The following SORBS2 variants were observed in gnomAD, a reference collection of about 807,000 sequenced individuals.
SORBS2 encodes the protein sorbin and SH3 domain containing 2.
Under a neutral mutation model 97.7 loss-of-function variants are expected in SORBS2, and 46 were observed. The observed-to-expected ratio is 0.47, with a 90% CI of 0.37 to 0.60. SORBS2 has a LOEUF of 0.60. Among genes scored for constraint, SORBS2 ranks in the 20% least tolerant of loss-of-function variants. The pLI is 0.00. For synonymous variants in SORBS2, 476 were observed against 473.4 expected, an observed-to-expected ratio of 1.01 and a Z score of -0.07; for missense variants, 1,316 against 1,282.3, an observed-to-expected ratio of 1.03 and a Z score of -0.40.
intron 2 of SORBS2, among the ~76,000 whole-genome samples, chr4:185,700,377 C>T (rs972797368): frequency 1.3e-5 from 2 of 151,540 alleles, no homozygotes; most frequent in African/African-American, 2.4e-5. Context: ...GGTCACAGAA[C>T]GATATGGTAG....
chr4:185,705,677 A>G (rs2153538394), intron 2 of SORBS2, among the ~76,000 whole-genome samples: 1 of 152,336 alleles, frequency 6.6e-6, no homozygotes, highest in Middle Eastern at 3.4e-3. Flanking sequence ...AATATCTGGT[A>G]CATATTATTT....
chr4:185,793,739 G>A (rs2099092034), intron 1 of SORBS2, among the ~76,000 whole-genome samples: 1 of 152,090 alleles, frequency 6.6e-6, no homozygotes, highest in Admixed American at 6.5e-5. Flanking sequence ...AGTTATTATG[G>A]ACTGAGAGCC....
At chr4:185,680,092 G>A (rs572095531) in intron 2 of SORBS2, among the ~76,000 whole-genome samples, 106 of 152,318 alleles carry the variant, frequency 7.0e-4, no homozygotes, top group African/African-American at 2.5e-3. Context: ...AATAAAATGG[G>A]TACCATAGAG....
At chr4:185,653,006 A>C (rs1213826182) in intron 1 of SORBS2, among the ~76,000 whole-genome samples, 1 of 152,154 alleles carries the variant, frequency 6.6e-6, no homozygotes, top group African/African-American at 2.4e-5. Flanking sequence ...TGCACTAGAG[A>C]GTTGATATTT....
At position 185,684,132 on chromosome 4, in the gene SORBS2, T is replaced by G. The variant is rs1195413539; in HGVS notation, c.-197-5310A>C. 6.6e-6 allele frequency among the ~76,000 whole-genome samples: 1 copy of G among 152,154 alleles called. No homozygotes were observed. Among genetic ancestry groups the G allele is most frequent in the African/African-American group, 2.4e-5 (1 of 41,430 alleles). On this transcript the variant is annotated intron_variant, in intron 2 of 20. Coordinates refer to the SORBS2 transcript ENST00000284776. The surrounding 1 kb of genome is among the most constrained non-coding windows in gnomAD (Gnocchi z 4.2). ...TTCTAACAGCTGCACCCCCTCCCAG[T>G]GCAGACTGTGCCTTAGGTACTGTGC...
chr4:185,593,639 G>A (rs2096012130), intron 13 of SORBS2: 1 of 478,836 alleles, frequency 2.1e-6, no homozygotes, highest in African/African-American at 2.0e-5. Flanking sequence ...AGGAATCACT[G>A]AAGCATTGGG....
intron 1 of SORBS2, among the ~76,000 whole-genome samples, chr4:185,929,507 TTTTA>T (rs2099265375): frequency 6.6e-6 from 1 of 150,678 alleles, no homozygotes; most frequent in Non-Finnish European, 1.5e-5. Context: ...AGCAAAGAGG[TTTTA>T]TTTGTTGTTT....
chr4:185,613,122 C>A (rs992598477), intron 11 of SORBS2, among the ~76,000 whole-genome samples: 3 of 152,176 alleles, frequency 2.0e-5, no homozygotes, highest in Admixed American at 6.5e-5. Flanking sequence ...TTGATGCTAC[C>A]GGGCAAAAAC....
intron 1 of SORBS2, among the ~76,000 whole-genome samples, chr4:185,888,831 T>C (rs979901260): frequency 3.9e-5 from 6 of 152,178 alleles, no homozygotes; most frequent in African/African-American, 9.7e-5. Context: ...GGAGTCCTCA[T>C]TGTCTCATCT....
upstream of SORBS2, among the ~76,000 whole-genome samples, chr4:185,658,990 G>A (rs534578727): frequency 9.3e-4 from 142 of 152,234 alleles, 1 homozygote; most frequent in Non-Finnish European, 5.4e-4. Context: ...ACAGGCGTGA[G>A]CCACCGTGGC....
intron 8 of SORBS2, among the ~76,000 whole-genome samples, chr4:185,618,940 AG>A (rs1436752875): frequency 1.3e-5 from 2 of 152,198 alleles, no homozygotes; most frequent in Non-Finnish European, 2.9e-5. Context: ...GCTGTTACAA[AG>A]GCTCTTCCTA....
At chr4:185,941,821 G>A (rs1415365334) in intron 1 of SORBS2, among the ~76,000 whole-genome samples, 1 of 152,090 alleles carries the variant, frequency 6.6e-6, no homozygotes, top group Non-Finnish European at 1.5e-5. Flanking sequence ...TGTAAGAAAA[G>A]TAAGACTTGG....
intron 12 of SORBS2, among the ~76,000 whole-genome samples, chr4:185,603,483 C>T (rs2096323025): frequency 6.6e-6 from 1 of 152,144 alleles, no homozygotes; most frequent in South Asian, 2.1e-4. Context: ...TAGACTATGT[C>T]AGCGAATGGG....
intron 1 of SORBS2, among the ~76,000 whole-genome samples, chr4:185,814,360 A>C (rs1424028506): frequency 1.3e-5 from 2 of 149,266 alleles, no homozygotes; most frequent in Non-Finnish European, 3.0e-5. Flanking sequence ...CTGCATCTCT[A>C]CAAAAAAAAA....
intron 1 of SORBS2, among the ~76,000 whole-genome samples, chr4:185,940,929 G>T (rs955661115): frequency 1.3e-5 from 2 of 152,150 alleles, no homozygotes; most frequent in East Asian, 3.9e-4. Context: ...AATGGATAGA[G>T]ACATTTTTGG....
chr4:185,868,425 G>C (rs2099228521), intron 1 of SORBS2, among the ~76,000 whole-genome samples: 1 of 151,580 alleles, frequency 6.6e-6, no homozygotes, highest in Non-Finnish European at 1.5e-5. Context: ...CAAAGTGCTG[G>C]GATTACAGGC....
chr4:185,879,085 A>G (rs1356246971), intron 1 of SORBS2, among the ~76,000 whole-genome samples: 5 of 150,652 alleles, frequency 3.3e-5, no homozygotes, highest in Admixed American at 6.6e-5. Flanking sequence ...GGTTTGTTAC[A>G]TATGTATACA....
rs1050542319 is a variant in SORBS2, at chr4:185,811,843, A to T, written c.-337-36477T>A. The T allele has an allele frequency of 6.6e-5, 10 of 152,528 alleles. No individual in the cohort carries two copies. Among genetic ancestry groups the T allele is most frequent in the African/African-American group, 2.4e-4 (10 of 41,440 alleles). 9.4% of individuals were successfully genotyped at this position (152,528 alleles called of 1,614,324 possible). ...ACCTGCTTTTTCAGACCTGCCGCTCATATGCCACAGCCACGCACAGGACCA... is the reference window on the plus strand; with the variant it reads ...ACCTGCTTTTTCAGACCTGCCGCTCTTATGCCACAGCCACGCACAGGACCA... On this transcript the variant is annotated intron_variant, in intron 1 of 20. The change abolishes an upstream ATG in the 5' untranslated region. Coordinates refer to the SORBS2 transcript ENST00000284776.
chr4:185,631,261 A>G (rs1222560868), intron 4 of SORBS2, among the ~76,000 whole-genome samples: 3 of 152,234 alleles, frequency 2.0e-5, no homozygotes, highest in Non-Finnish European at 4.4e-5. Context: ...TGAGCTAATG[A>G]AGCAAAATAT....
Sources: gnomAD v4.1 joint callset for allele counts (sites outside exome capture counted in the v4.1 genomes callset) on GRCh38, gnomAD v4.1.1 for gene constraint, Gnocchi (gnomAD v3.1) non-coding constraint, MANE v1.5 for transcripts, NCBI Gene and HGNC (gene_info 2026-07-23, HGNC 2026-07-21) for gene names.